GNAL: variants seen among roughly 807,000 people sequenced by gnomAD.
GNAL encodes G protein subunit alpha L.
A neutral mutation model predicts 55.1 loss-of-function variants in GNAL; 18 were observed. The ratio of observed to expected loss-of-function variants is 0.33; its 90% CI spans 0.23 to 0.48. The LOEUF (loss-of-function observed/expected upper bound fraction) is 0.48, where lower values mean the gene tolerates loss of function less well. Among genes scored for constraint, GNAL ranks in the 20% least tolerant of loss-of-function variants. The pLI is 0.99. For synonymous variants in GNAL, 253 were observed against 237.0 expected (o/e 1.07, Z -0.62); for missense variants, 412 against 614.1 (o/e 0.67, Z 3.48).
Position 11,881,347 on chromosome 18 carries a change from C to G in GNAL, c.*212C>G, listed in dbSNP as rs1173103116. 4 of 457,288 alleles carry G rather than the reference C, an allele frequency of 8.7e-6. No homozygotes were observed. Among genetic ancestry groups the G allele is most frequent in the Non-Finnish European group, 1.6e-5 (4 of 253,166 alleles). 28.3% of individuals were successfully genotyped at this position (457,288 alleles called of 1,614,324 possible). On this transcript the variant is annotated 3_prime_UTR_variant, in exon 12 of 12. Coordinates refer to ENST00000334049, the MANE Select transcript of GNAL (RefSeq NM_182978.4). The surrounding 1 kb of genome is among the most constrained non-coding windows in gnomAD (Gnocchi z 4.8). ...TACGGCCTCCCGCAGCATCCCACCC[C>G]CAAACCACCGACTCTCATTGCCGAC...
chr18:11,763,117 C>A (rs1299029993), intron 4 of GNAL, among the ~76,000 whole-genome samples: 2 of 152,114 alleles, frequency 1.3e-5, no homozygotes, highest in Non-Finnish European at 2.9e-5. Context: ...TCAATGTTAG[C>A]TTTTTATTTT....
chr18:11,885,652 G>C lies in GNAL; in HGVS notation c.*4517G>C, dbSNP rs1354524822. The C allele has an allele frequency of 6.3e-7, 1 of 1,598,092 alleles. No individual in the cohort carries two copies. The highest frequency in any genetic ancestry group is 8.6e-7 in the Non-Finnish European group (1 of 1,167,830). ...ATTTAAATACTTATGAAAGCTTTCA[G>C]ACAAAAATAAACTTTCACGTTACCA... On this transcript the variant is annotated 3_prime_UTR_variant, in exon 12 of 12. Transcript: ENST00000334049.
chr18:11,759,844 C>A (rs148328435), intron 4 of GNAL, among the ~76,000 whole-genome samples: 1,627 of 152,318 alleles, frequency 0.011, 20 homozygotes, highest in African/African-American at 0.025. Context: ...CCTCTCCAAG[C>A]CTGTGTCTAT....
intron 4 of GNAL, among the ~76,000 whole-genome samples, chr18:11,767,959 A>G (rs918608018): frequency 6.6e-6 from 1 of 152,220 alleles, no homozygotes; most frequent in Admixed American, 6.5e-5. Context: ...TAAGACCCAA[A>G]TAACTATAGA....
At chr18:11,709,913 T>C (rs1313728729) in intron 1 of GNAL, among the ~76,000 whole-genome samples, 1 of 152,216 alleles carries the variant, frequency 6.6e-6, no homozygotes, top group Non-Finnish European at 1.5e-5. Context: ...TTTTTCACCA[T>C]TAAGTATAAT....
intron 4 of GNAL, among the ~76,000 whole-genome samples, chr18:11,760,359 G>T (rs916247012): frequency 1.3e-5 from 2 of 152,136 alleles, no homozygotes; most frequent in Non-Finnish European, 2.9e-5. Context: ...CAGCCATCCT[G>T]TTCTTTGCCT....
intron 7 of GNAL, among the ~76,000 whole-genome samples, chr18:11,866,868 C>A (rs1461446930): frequency 7.2e-6 from 1 of 139,750 alleles, no homozygotes; most frequent in African/African-American, 3.4e-5. Flanking sequence ...GAGCTAGTAA[C>A]CACTGGATTT....
chr18:11,851,127 T>C (rs970785317), intron 5 of GNAL, among the ~76,000 whole-genome samples: 2 of 152,230 alleles, frequency 1.3e-5, no homozygotes, highest in African/African-American at 4.8e-5. Flanking sequence ...ACAGATCCTG[T>C]CTACTTCGGT....
intron 11 of GNAL, among the ~76,000 whole-genome samples, chr18:11,877,978 C>T (rs2036572913): frequency 6.6e-6 from 1 of 152,170 alleles, no homozygotes; most frequent in Admixed American, 6.6e-5. Flanking sequence ...TTTACTTAAG[C>T]CAATTAATGT....
chr18:11,840,209 C>A (rs2035583781), intron 5 of GNAL, among the ~76,000 whole-genome samples: 1 of 152,312 alleles, frequency 6.6e-6, no homozygotes, highest in Admixed American at 6.5e-5. Flanking sequence ...GCTCGTATTT[C>A]TCATTCTATT....
intron 4 of GNAL, among the ~76,000 whole-genome samples, chr18:11,819,821 A>G (rs545762405): frequency 4.9e-4 from 75 of 152,240 alleles, no homozygotes; most frequent in African/African-American, 1.8e-3. Flanking sequence ...TTTAAAATGT[A>G]TGAGATCTAT....
intron 4 of GNAL, chr18:11,810,403 C>T (rs2034781357): frequency 6.6e-6 from 1 of 152,348 alleles, no homozygotes; most frequent in South Asian, 2.1e-4. Context: ...TCAAAAAAAC[C>T]CTTGTTGGTT....
chr18:11,747,192 T>A, intron 1 of GNAL: 1 of 387,506 alleles, frequency 2.6e-6, no homozygotes, highest in Non-Finnish European at 5.1e-6. Flanking sequence ...CTGTTACATG[T>A]CTCTGCCACC....
chr18:11,791,836 T>A (rs761594374), intron 4 of GNAL, among the ~76,000 whole-genome samples: 11 of 152,174 alleles, frequency 7.2e-5, no homozygotes, highest in Non-Finnish European at 1.3e-4. Flanking sequence ...GTGATCCAGG[T>A]GTGCCGAGAA....
At chr18:11,847,355 G>A (rs1178579410) in intron 5 of GNAL, among the ~76,000 whole-genome samples, 1 of 151,030 alleles carries the variant, frequency 6.6e-6, no homozygotes, top group Non-Finnish European at 1.5e-5. Flanking sequence ...TCCAGAAATA[G>A]TTTAACTCAC....
chr18:11,859,468 A>G (rs1331853466), intron 5 of GNAL, among the ~76,000 whole-genome samples: 7 of 152,184 alleles, frequency 4.6e-5, no homozygotes, highest in Non-Finnish European at 7.3e-5. Flanking sequence ...CCAAAACTGC[A>G]TTGTACTTTC....
intron 4 of GNAL, among the ~76,000 whole-genome samples, chr18:11,792,130 A>G (rs897543900): frequency 6.6e-6 from 1 of 152,054 alleles, no homozygotes; most frequent in Admixed American, 6.6e-5. Context: ...AGCTTTGGTC[A>G]CGAAATTATA....
Position 11,752,788 on chromosome 18 carries a change from C to G in GNAL, c.377-65C>G. Reference sequence around the variant, plus strand: ...GGGGAGGAGGATTGCTCAGACCCGGCTAGTGGTGAGAGATGGCAGCGATAT... The same window carrying G: ...GGGGAGGAGGATTGCTCAGACCCGGGTAGTGGTGAGAGATGGCAGCGATAT... On this transcript the variant is annotated intron_variant, in intron 1 of 11. Coordinates refer to ENST00000334049, the MANE Select transcript of GNAL (RefSeq NM_182978.4). The surrounding 1 kb of genome is among the most constrained non-coding windows in gnomAD (Gnocchi z 4.5). 1 of 1,242,390 alleles carries G rather than the reference C, an allele frequency of 8.0e-7. No individual in the cohort carries two copies. Among genetic ancestry groups the G allele is most frequent in the Admixed American group, 1.7e-5 (1 of 59,520 alleles). The allele number at this position is 1,242,390 out of a possible 1,614,324, so 77.0% of individuals were successfully genotyped here.
Position 11,732,797 on chromosome 18 carries a change from A to C in GNAL, c.377-20056A>C, listed in dbSNP as rs999435384. Among the ~76,000 whole-genome samples, 10 of 152,376 alleles carry C rather than the reference A, an allele frequency of 6.6e-5. No individual in the cohort carries two copies. The South Asian group carries it at 2.1e-3, about 32-fold the overall frequency. The stretch of plus-strand genomic sequence containing the variant: ...ACATTGTTTTGTCAATGTAAATGTT[A>C]AATCAGCAGAACCCAGTAACTGATG... On this transcript the variant is annotated intron_variant, in intron 1 of 11. Transcript: ENST00000334049.
Sources: allele counts gnomAD v4.1 joint callset (sites outside exome capture counted in the v4.1 genomes callset), GRCh38; gene constraint gnomAD v4.1.1; non-coding constraint Gnocchi (gnomAD v3.1); transcripts MANE v1.5; gene names NCBI Gene and HGNC (gene_info 2026-07-23, HGNC 2026-07-21).